The following KALRN variants were observed in gnomAD, a reference collection of about 807,000 sequenced individuals.
KALRN encodes the protein kalirin RhoGEF kinase, also known as kalirin.
KALRN carries 70 observed loss-of-function variants against 353.7 expected under a neutral mutation model. The observed-to-expected ratio is 0.20, with a 90% CI of 0.16 to 0.24. The LOEUF is 0.24. KALRN is among the 10% of genes least tolerant of loss of function. KALRN has a pLI of 1.00. For synonymous variants in KALRN, 1,391 were observed against 1,434.8 expected (o/e 0.97, Z 0.69); for missense variants, 2,791 against 3,756.7 (o/e 0.74, Z 6.72).
intron 6 of KALRN, among the ~76,000 whole-genome samples, chr3:124,315,692 G>A (rs2078740862): frequency 6.6e-6 from 1 of 151,492 alleles, no homozygotes; most frequent in Non-Finnish European, 1.5e-5. Context: ...CTCATCTATG[G>A]CCACTACTTG....
intron 1 of KALRN, among the ~76,000 whole-genome samples, chr3:124,165,799 C>G (rs1482362872): frequency 6.6e-6 from 1 of 152,220 alleles, no homozygotes; most frequent in Non-Finnish European, 1.5e-5. Context: ...CCACCCCTTC[C>G]AAGTGCTTTC....
intron 6 of KALRN, among the ~76,000 whole-genome samples, chr3:124,316,664 C>A (rs2078842926): frequency 6.6e-6 from 1 of 152,228 alleles, no homozygotes; most frequent in African/African-American, 2.4e-5. Context: ...TTATGTAGCA[C>A]TCTCCAGCCC....
chr3:124,566,381 T>C (rs1322028279), intron 34 of KALRN, among the ~76,000 whole-genome samples: 2 of 152,018 alleles, frequency 1.3e-5, no homozygotes, highest in Non-Finnish European at 2.9e-5. Flanking sequence ...TGTGCACCTA[T>C]ATAGTCCCAG....
At chr3:124,404,333 C>T (rs1314852894) in intron 13 of KALRN, among the ~76,000 whole-genome samples, 1 of 151,982 alleles carries the variant, frequency 6.6e-6, no homozygotes, top group African/African-American at 2.4e-5. Context: ...TTAGTGTCAG[C>T]CCTCTATGGT....
chr3:124,448,601 G>A (rs112316910), intron 21 of KALRN, among the ~76,000 whole-genome samples: 2,448 of 152,082 alleles, frequency 0.016, 60 homozygotes, highest in African/African-American at 0.055. Context: ...TCTAGTTTGT[G>A]CTTTTTAAGA....
At chr3:124,219,984 T>C (rs536451176) in intron 1 of KALRN, among the ~76,000 whole-genome samples, 1 of 151,876 alleles carries the variant, frequency 6.6e-6, no homozygotes, top group African/African-American at 2.4e-5. Context: ...TCCCTCTGTC[T>C]CCCAGGCCGG....
intron 5 of KALRN, among the ~76,000 whole-genome samples, chr3:124,287,817 ATATATATATG>A (rs1560468691): frequency 3.5e-4 from 45 of 127,748 alleles, no homozygotes; most frequent in Non-Finnish European, 5.7e-4. Context: ...ATATATATAT[ATATATATATG>A]TATATAATTT....
intron 34 of KALRN, among the ~76,000 whole-genome samples, chr3:124,622,973 T>C (rs1336807790): frequency 2.4e-4 from 37 of 152,142 alleles, no homozygotes; most frequent in Admixed American, 2.4e-3. Flanking sequence ...AGTTGAAACT[T>C]TAGAAACAAG....
chr3:124,586,582 G>A lies in KALRN; in HGVS notation c.5182+23493G>A, dbSNP rs148327289. 7.7e-3 allele frequency among the ~76,000 whole-genome samples: 1,179 copies of A among 152,342 alleles called. 12 individuals are homozygous for A. The highest frequency in any genetic ancestry group is 0.026 in the African/African-American group (1,072 of 41,568). On this transcript the variant is annotated intron_variant, in intron 34 of 59. Coordinates refer to ENST00000682506, the MANE Select transcript of KALRN (RefSeq NM_001388419.1). ...GGTAAGTGCCTCCTGCCTAGGGCCT[G>A]TGAAGGCAGTGGCTGCTGGCTCCGT...
At chr3:124,698,332 A>G (rs7645156) in intron 55 of KALRN, among the ~76,000 whole-genome samples, 1,729 of 152,262 alleles carry the variant, frequency 0.011, 34 homozygotes, top group African/African-American at 0.04. Flanking sequence ...CAGAATTGTG[A>G]ACATATTAGC....
At chr3:124,231,269 G>A (rs563292642) in intron 2 of KALRN, among the ~76,000 whole-genome samples, 2 of 152,312 alleles carry the variant, frequency 1.3e-5, no homozygotes, top group African/African-American at 4.8e-5. Flanking sequence ...CACAGCTCAC[G>A]AGCTCCCCTT....
At chr3:124,315,173 C>T (rs1365310055) in intron 6 of KALRN, among the ~76,000 whole-genome samples, 1 of 152,204 alleles carries the variant, frequency 6.6e-6, no homozygotes, top group Admixed American at 6.5e-5. Context: ...CAAGAGTCTT[C>T]AGGGAGAAAG....
intron 6 of KALRN, among the ~76,000 whole-genome samples, chr3:124,302,073 T>C (rs1217140727): frequency 6.6e-6 from 1 of 152,178 alleles, no homozygotes; most frequent in African/African-American, 2.4e-5. Context: ...TTTCCGGAGA[T>C]TCAGGGGAAT....
intron 33 of KALRN, among the ~76,000 whole-genome samples, chr3:124,538,585 A>C (rs2068737066): frequency 6.6e-6 from 1 of 152,218 alleles, no homozygotes; most frequent in Non-Finnish European, 1.5e-5. Context: ...CTGGTGGAGC[A>C]GGAGGGAGAC....
chr3:124,322,676 A>G (rs755871539), intron 6 of KALRN, among the ~76,000 whole-genome samples: 1 of 152,246 alleles, frequency 6.6e-6, no homozygotes. Context: ...GGCCATGAAA[A>G]GTCGTTTATG....
At chr3:124,342,740 A>G (rs560650111) in intron 9 of KALRN, among the ~76,000 whole-genome samples, 5 of 152,168 alleles carry the variant, frequency 3.3e-5, no homozygotes, top group Non-Finnish European at 7.3e-5. Flanking sequence ...ATTGAGTACT[A>G]TTTCCCATTC....
At chr3:124,612,811 A>G (rs1339651859) in intron 34 of KALRN, among the ~76,000 whole-genome samples, 5 of 152,190 alleles carry the variant, frequency 3.3e-5, no homozygotes, top group East Asian at 3.8e-4. Flanking sequence ...CTCCTGGCAT[A>G]TAGGAAGCAC....
In KALRN at chr3:124,656,399, A is replaced by C. The variant is rs141050479; in HGVS notation, c.5862+732A>C. Among the ~76,000 whole-genome samples, 1,169 of 152,294 alleles carry C rather than the reference A, an allele frequency of 7.7e-3. 14 individuals carry two copies. Among genetic ancestry groups the C allele is most frequent in the African/African-American group, 0.025 (1,034 of 41,556 alleles). ...GCTGAGACGGGTGGATCACGAGGTCAGGAGATCGAGACCGTCCTGGCTAAC... is the reference window on the plus strand; with the variant it reads ...GCTGAGACGGGTGGATCACGAGGTCCGGAGATCGAGACCGTCCTGGCTAAC... On this transcript the variant is annotated intron_variant, in intron 39 of 59. Transcript: ENST00000682506.
intron 34 of KALRN, among the ~76,000 whole-genome samples, chr3:124,586,364 G>C (rs1345103423): frequency 6.6e-6 from 1 of 152,232 alleles, no homozygotes; most frequent in Non-Finnish European, 1.5e-5. Flanking sequence ...CTGTCAGACA[G>C]AATGTGGGGG....
Sources: gnomAD v4.1 joint callset for allele counts (sites outside exome capture counted in the v4.1 genomes callset) on GRCh38, gnomAD v4.1.1 for gene constraint, MANE v1.5 for transcripts, NCBI Gene and HGNC (gene_info 2026-07-23, HGNC 2026-07-21) for gene names.